Variants in DYNC1H1 observed in about 807,000 individuals in gnomAD.
DYNC1H1 encodes the protein dynein cytoplasmic 1 heavy chain 1, also known as cytoplasmic dynein 1 heavy chain 1.
A neutral mutation model predicts 527.1 loss-of-function variants in DYNC1H1; 51 were observed. That is an observed-to-expected ratio of 0.10 (90% CI 0.08 to 0.12). The LOEUF is 0.12. DYNC1H1 is among the 10% of genes least tolerant of loss of function. The pLI, the probability that DYNC1H1 is intolerant of heterozygous loss-of-function variation, is 1.00. For synonymous variants in DYNC1H1, 2,189 were observed against 2,278.8 expected (o/e 0.96, Z 1.12); for missense variants, 2,771 against 5,971.8 (o/e 0.46, Z 17.66).
intron 8 of DYNC1H1, 38 bp from the exon 9 acceptor site, chr14:101,987,415 G>C: frequency 1.3e-6 from 2 of 1,581,382 alleles, no homozygotes; most frequent in Non-Finnish European, 1.7e-6. Context: ...AACAGAGTGT[G>C]AGTGGGTGTT....
In DYNC1H1 at chr14:101,997,066, A is replaced by C; in HGVS notation, c.3596A>C (p.Lys1199Thr). 6.2e-7 allele frequency: 1 copy of C among 1,614,236 alleles called. No homozygotes were observed. Among genetic ancestry groups the C allele is most frequent in the Non-Finnish European group, 8.5e-7 (1 of 1,180,040 alleles). Residue 1199 changes from lysine (K) to threonine (T), a missense_variant, in exon 16 of 78, where the codon AAG (lysine) becomes ACG (threonine). Lys to Thr is a moderately conservative substitution (Grantham distance 78). This residue lies in a region of DYNC1H1 where 223 missense variants were observed against 462.5 expected (regional missense o/e 0.48). Coordinates refer to ENST00000360184, the MANE Select transcript of DYNC1H1 (RefSeq NM_001376.5). This position sits in a 1 kb window ranked among gnomAD's most constrained non-coding sequence, Gnocchi z 4.8. ...LYRNGQRLLE[K>T]QRFQFPPSWL... ...CGCAATGGCCAGCGCTTACTGGAAA[A>C]GCAAAGGTTCCAGTTCCCACCTTCC...
At chr14:102,030,475 A>G (rs901069255) in intron 51 of DYNC1H1, 193 bp downstream of exon 51, 6 of 741,550 alleles carry the variant, frequency 8.1e-6, no homozygotes, top group African/African-American at 7.1e-5. Flanking sequence ...CAAAGTTCCT[A>G]CAAAGCTAGA....
At position 102,029,410 on chromosome 14, in the gene DYNC1H1, G is replaced by C. The variant is rs187483671; in HGVS notation, c.9469-129G>C. 8 of 1,236,246 alleles carry C rather than the reference G, an allele frequency of 6.5e-6. No individual in the cohort carries two copies. The East Asian group carries it at 2.0e-4, about 31-fold the overall frequency. The allele number at this position is 1,236,246 out of a possible 1,614,324, so 76.6% of individuals were successfully genotyped here. ...AAGTGGCTAAGCTGAGGCCCGACTC[G>C]AGTGTTCTGGCCCCGAGGGCCAGGC... On this transcript the variant is annotated intron_variant, in intron 48 of 77. Transcript: ENST00000360184. The surrounding 1 kb of genome is among the most constrained non-coding windows in gnomAD (Gnocchi z 5.3).
In DYNC1H1 at chr14:102,050,662, G is replaced by A. The variant is rs895520233; in HGVS notation, c.*99G>A. Reference sequence around the variant, plus strand: ...AGGTCTGAGCTTGTGAAAAGAAAGTGGTTGGTCTGAGGTTGGAGGAAGCTG... The same window carrying A: ...AGGTCTGAGCTTGTGAAAAGAAAGTAGTTGGTCTGAGGTTGGAGGAAGCTG... On this transcript the variant is annotated 3_prime_UTR_variant, in exon 78 of 78. Coordinates refer to ENST00000360184, the MANE Select transcript of DYNC1H1 (RefSeq NM_001376.5). 11 of 1,594,402 alleles carry A rather than the reference G, an allele frequency of 6.9e-6. No homozygotes were observed. The East Asian group carries it at 2.5e-4, about 36-fold the overall frequency.
At chr14:102,030,047 AGG>A in intron 50 of DYNC1H1, 109 bp downstream of exon 50, 2 of 1,582,064 alleles carry the variant, frequency 1.3e-6, no homozygotes, top group East Asian at 2.3e-5. Context: ...AGAGGGAGGG[AGG>A]GAGAGAGAGT....
chr14:102,016,465 C>T lies in DYNC1H1; in HGVS notation c.7590C>T (p.Pro2530=), dbSNP rs1279070066. Residue 2530 remains proline (P), a synonymous_variant, in exon 37 of 78, where the codon CCC becomes CCT. Coordinates refer to ENST00000360184, the MANE Select transcript of DYNC1H1 (RefSeq NM_001376.5). This position sits in a 1 kb window ranked among gnomAD's most constrained non-coding sequence, Gnocchi z 7.3. ...CGACCGTGCCTCTGCCCACTGCGCC[C>T]AACATACCCATTATCGATTATGAGG... is the stretch of plus-strand genomic sequence containing the variant. ...RITTVPLPTA[P]NIPIIDYEVS... 6.2e-7 allele frequency: 1 copy of T among 1,614,192 alleles called. No homozygotes were observed. The highest frequency in any genetic ancestry group is 8.5e-7 in the Non-Finnish European group (1 of 1,180,032).
intron 72 of DYNC1H1, among the ~76,000 whole-genome samples, chr14:102,046,955 A>G (rs988269487): frequency 6.6e-6 from 1 of 151,522 alleles, no homozygotes; most frequent in Non-Finnish European, 1.5e-5. Context: ...CCACCACCAC[A>G]CCTGCCTTTC....
chr14:102,043,549 C>T (rs1467753138), intron 69 of DYNC1H1: 3 of 382,566 alleles, frequency 7.8e-6, no homozygotes, highest in Admixed American at 7.6e-5. Flanking sequence ...AACTCTTGGG[C>T]GAGAGGAGGG....
chr14:101,973,261 C>G (rs1376474607), intron 1 of DYNC1H1, among the ~76,000 whole-genome samples: 2 of 150,372 alleles, frequency 1.3e-5, no homozygotes, highest in Admixed American at 1.3e-4. Context: ...CAGGTTGAAG[C>G]AATTCTCTTA....
chr14:102,000,318 C>A lies in DYNC1H1; in HGVS notation c.3993C>A (p.Gly1331=). ...TAGAAGAATTACAGGACCTCAAAGG[C>A]GTTTGGTCAGAACTTTCTAAGGTTT... ...VALEELQDLK[G]VWSELSKVWE... Residue 1331 remains glycine, a synonymous_variant, in exon 18 of 78, where the codon GGC becomes GGA. Coordinates refer to ENST00000360184, the MANE Select transcript of DYNC1H1 (RefSeq NM_001376.5). 6.2e-7 allele frequency: 1 copy of A among 1,614,126 alleles called. No individual in the cohort carries two copies. The highest frequency in any genetic ancestry group is 8.5e-7 in the Non-Finnish European group (1 of 1,180,032).
intron 48 of DYNC1H1, 131 bp downstream of exon 48, chr14:102,028,272 G>A: frequency 8.9e-7 from 1 of 1,129,166 alleles, no homozygotes; most frequent in Non-Finnish European, 1.3e-6. Context: ...AGCACTTTGG[G>A]AGGCCAAGGC....
Position 102,005,006 on chromosome 14 carries a change from A to C in DYNC1H1, c.5239-36A>C. 6.2e-7 allele frequency: 1 copy of C among 1,614,246 alleles called. No homozygotes were observed. The highest frequency in any genetic ancestry group is 8.5e-7 in the Non-Finnish European group (1 of 1,180,048). On this transcript the variant is annotated intron_variant, in intron 25 of 77. Transcript: ENST00000360184. The surrounding 1 kb of genome is among the most constrained non-coding windows in gnomAD (Gnocchi z 4.0). Reference sequence around the variant, plus strand: ...GGTGAAAACGCAGACCAATCTTTAAAATGATCCTTTGGGATCTTGTTTCTG... The same window carrying C: ...GGTGAAAACGCAGACCAATCTTTAACATGATCCTTTGGGATCTTGTTTCTG...
rs2048488864 is a variant in DYNC1H1 at position 102,029,720 on chromosome 14, A to T, written c.9642+8A>T. 1 of 1,614,228 alleles carries T rather than the reference A, an allele frequency of 6.2e-7. No individual in the cohort carries two copies. Among genetic ancestry groups the T allele is most frequent in the Non-Finnish European group, 8.5e-7 (1 of 1,180,040 alleles). On this transcript the variant is annotated splice_region_variant and intron_variant, in intron 49 of 77. Coordinates refer to ENST00000360184, the MANE Select transcript of DYNC1H1 (RefSeq NM_001376.5). The surrounding 1 kb of genome is among the most constrained non-coding windows in gnomAD (Gnocchi z 5.3). ...AAAGAGACAGTCGACCAGGTGCGTC[A>T]CAGGCACAAATTCCTCACGGGAGTG...
chr14:101,997,281 C>A lies in DYNC1H1; in HGVS notation c.3804+7C>A, dbSNP rs750907571. The A allele has an allele frequency of 6.2e-7, 1 of 1,614,036 alleles. No individual in the cohort carries two copies. Among genetic ancestry groups the A allele is most frequent in the Non-Finnish European group, 8.5e-7 (1 of 1,180,016 alleles). On this transcript the variant is annotated splice_region_variant and intron_variant, in intron 16 of 77. Transcript: ENST00000360184. The surrounding 1 kb of genome is among the most constrained non-coding windows in gnomAD (Gnocchi z 4.8). ...GAAGACCAAGCCTGTCACGGTGAGT[C>A]CCGCCAGGTGGGGACGCAGGAGACT...
At position 101,987,497 on chromosome 14, in the gene DYNC1H1, C is replaced by T; in HGVS notation, c.2583C>T (p.Val861=). The change falls in exon 9 of 78, where the codon GTC becomes GTT. Residue 861 remains valine, a synonymous_variant. Coordinates refer to ENST00000360184, the MANE Select transcript of DYNC1H1 (RefSeq NM_001376.5). The part of the protein sequence containing the change: ...LIIEEKIDLE[V]RSLETCMYDH... ...TTGAAGAAAAAATAGACCTAGAAGT[C>T]CGTTCCTTGGAAACTTGTATGTATG... 1 of 1,614,166 alleles carries T rather than the reference C, an allele frequency of 6.2e-7. No homozygotes were observed. Among genetic ancestry groups the T allele is most frequent in the South Asian group, 1.1e-5 (1 of 91,080 alleles).
intron 9 of DYNC1H1, 63 bp downstream of exon 9, chr14:101,987,695 A>AT: frequency 6.3e-7 from 1 of 1,578,124 alleles, no homozygotes; most frequent in Non-Finnish European, 8.7e-7. Flanking sequence ...CAGTAAGCTT[A>AT]TTAGTTTGTC....
In DYNC1H1 at chr14:101,984,448, A is replaced by ATTTTTTTTTTTTTTTTTTTTTTTTT. The variant is rs1224932045; in HGVS notation, c.1461+840_1461+841insTTTTTTTTTTTTTTTTTTTTTTTTT. Among the ~76,000 whole-genome samples, 2 of 89,132 alleles carry ATTTTTTTTTTTTTTTTTTTTTTTTT rather than the reference A, an allele frequency of 2.2e-5. 1 individual carries two copies. Among genetic ancestry groups the ATTTTTTTTTTTTTTTTTTTTTTTTT allele is most frequent in the African/African-American group, 1.1e-4 (2 of 17,860 alleles). 58.5% of individuals were successfully genotyped at this position (89,132 alleles called of 152,430 possible). On this transcript the variant is annotated intron_variant, in intron 7 of 77. Coordinates refer to ENST00000360184, the MANE Select transcript of DYNC1H1 (RefSeq NM_001376.5). ...GTGTGTGTGTATATATATATATATT[A>ATTTTTTTTTTTTTTTTTTTTTTTTT]TATTTTTTTTTTTTTTTTTTTTTTG...
rs1018095012 is a variant in DYNC1H1, at chr14:102,039,083, C to T, written c.11289C>T (p.Asp3763=). 30 of 1,614,068 alleles carry T rather than the reference C, an allele frequency of 1.9e-5. No homozygotes were observed. The highest frequency in any genetic ancestry group is 4.5e-5 in the East Asian group (2 of 44,900). ...LNEVKGRILD[D]DTIITTLENL... is the part of the protein sequence containing the mutation. Reference sequence around the variant, plus strand: ...AGGTGAAAGGGCGCATTTTGGATGACGACACGATCATAACCACTCTGGAGA... The same window carrying T: ...AGGTGAAAGGGCGCATTTTGGATGATGACACGATCATAACCACTCTGGAGA... Residue 3763 remains aspartate (D), a synonymous_variant, in exon 60 of 78, where the codon GAC becomes GAT. Transcript: ENST00000360184. The surrounding 1 kb of genome is among the most constrained non-coding windows in gnomAD (Gnocchi z 7.0).
Position 102,049,849 on chromosome 14 carries a change from G to T in DYNC1H1, c.13651G>T (p.Ala4551Ser). 6.2e-7 allele frequency: 1 copy of T among 1,613,828 alleles called. No homozygotes were observed. The highest frequency in any genetic ancestry group is 8.5e-7 in the Non-Finnish European group (1 of 1,180,028). Residue 4551 changes from alanine (A) to serine (S), a missense_variant, in exon 76 of 78, where the codon GCC (alanine) becomes TCC (serine). Coordinates refer to ENST00000360184, the MANE Select transcript of DYNC1H1 (RefSeq NM_001376.5). The surrounding 1 kb of genome is among the most constrained non-coding windows in gnomAD (Gnocchi z 5.5). Reference protein sequence around the residue: ...LEVNVTTSQGATLDACSFGVT... With the variant: ...LEVNVTTSQGSTLDACSFGVT... ...AGTCAACGTCACCACCTCACAGGGCGCCACCCTTGACGCTTGCAGCTTCGG... is the reference window on the plus strand; with the variant it reads ...AGTCAACGTCACCACCTCACAGGGCTCCACCCTTGACGCTTGCAGCTTCGG...
Sources: allele counts gnomAD v4.1 joint callset (sites outside exome capture counted in the v4.1 genomes callset), GRCh38; gene constraint gnomAD v4.1.1; regional missense constraint gnomAD v4.1.1; non-coding constraint Gnocchi (gnomAD v3.1); transcripts MANE v1.5; gene names NCBI Gene and HGNC (gene_info 2026-07-23, HGNC 2026-07-21).